The following MCMDC2 variants were observed in gnomAD, a reference collection of about 807,000 sequenced individuals.
MCMDC2 encodes minichromosome maintenance domain-containing protein 2.
Under a neutral mutation model 75.8 loss-of-function variants are expected in MCMDC2, and 54 were observed. That is an observed-to-expected ratio of 0.71 (90% CI 0.57 to 0.89). MCMDC2 has a LOEUF of 0.89. Among genes scored for constraint, MCMDC2 ranks in the 40% least tolerant of loss-of-function variants. MCMDC2 has a pLI of 0.00. For synonymous variants in MCMDC2, 249 were observed against 274.6 expected, an observed-to-expected ratio of 0.91 and a Z score of 0.92; for missense variants, 656 against 780.4, an observed-to-expected ratio of 0.84 and a Z score of 1.90.
rs140298747 is a variant in MCMDC2, at chr8:66,903,195, T to C, written c.1769+1847T>C. ...TTACTTCAGGAAACAGAAAGCATTA[T>C]GTAATTCTGTTTTCCATTTTGAAAC... On this transcript the variant is annotated intron_variant, in intron 13 of 14. Transcript: ENST00000422365. Among the ~76,000 whole-genome samples the C allele has an allele frequency of 3.9e-5, 6 of 152,218 alleles. No homozygotes were observed. The East Asian group carries it at 9.6e-4, about 24-fold the overall frequency.
intron 9 of MCMDC2, among the ~76,000 whole-genome samples, chr8:66,890,169 C>G (rs547275473): frequency 6.6e-6 from 1 of 152,270 alleles, no homozygotes; most frequent in African/African-American, 2.4e-5. Context: ...CGGGTTGAGG[C>G]AGTTCTCCTG....
chr8:66,925,800 GAGCT>G (rs1813702197), downstream of MCMDC2, among the ~76,000 whole-genome samples: 1 of 152,198 alleles, frequency 6.6e-6, no homozygotes, highest in Non-Finnish European at 1.5e-5. Flanking sequence ...AACTCTGCTA[GAGCT>G]AGTCAATGTT....
chr8:66,917,611 C>T (rs189400929), intron 14 of MCMDC2, among the ~76,000 whole-genome samples: 1 of 152,130 alleles, frequency 6.6e-6, no homozygotes, highest in African/African-American at 2.4e-5. Context: ...ACTCTACTGC[C>T]TCTATGAATT....
chr8:66,922,578 TACATC>T, downstream of MCMDC2: 1 of 517,274 alleles, frequency 1.9e-6, no homozygotes, highest in Middle Eastern at 3.6e-4. Flanking sequence ...CTGTCAAGAA[TACATC>T]ACATAACTAA....
rs1435046215 is a variant in MCMDC2 at position 66,905,348 on chromosome 8, A to G, written c.1879+13A>G. 2.1e-6 allele frequency: 3 copies of G among 1,445,634 alleles called. No homozygotes were observed. Among genetic ancestry groups the G allele is most frequent in the Non-Finnish European group, 2.7e-6 (3 of 1,094,844 alleles). The allele number at this position is 1,445,634 out of a possible 1,614,324, so 89.6% of individuals were successfully genotyped here. A position where few individuals can be genotyped will look rare whatever the true frequency, so the allele number is the denominator to read the frequency against. On this transcript the variant is annotated intron_variant, in intron 14 of 14. Coordinates refer to ENST00000422365, the MANE Select transcript of MCMDC2 (RefSeq NM_173518.5). Reference sequence around the variant, plus strand: ...ACATTGAAATATGGTAATGAATTAAATTATTAATGATCACTACAAATAACT... The same window carrying G: ...ACATTGAAATATGGTAATGAATTAAGTTATTAATGATCACTACAAATAACT...
intron 14 of MCMDC2, among the ~76,000 whole-genome samples, chr8:66,917,533 A>G (rs1265198677): frequency 6.6e-6 from 1 of 152,160 alleles, no homozygotes; most frequent in African/African-American, 2.4e-5. Context: ...TCATCTTCCC[A>G]AACTGAAACT....
At chr8:66,918,952 G>C in intron 14 of MCMDC2, 51 bp from the exon 15 acceptor site, 1 of 1,314,722 alleles carries the variant, frequency 7.6e-7, no homozygotes. Context: ...TTTCATACTT[G>C]TCATTTTAAG....
intron 4 of MCMDC2, among the ~76,000 whole-genome samples, chr8:66,875,438 C>A (rs912089217): frequency 2.6e-5 from 4 of 152,144 alleles, no homozygotes; most frequent in Non-Finnish European, 4.4e-5. Context: ...TGCCACCACA[C>A]CTGGCTAATT....
At chr8:66,881,600 C>T (rs867019719) in intron 8 of MCMDC2, among the ~76,000 whole-genome samples, 1 of 152,100 alleles carries the variant, frequency 6.6e-6, no homozygotes, top group Non-Finnish European at 1.5e-5. Context: ...GCAGGAGAAT[C>T]GGTTGAACCT....
chr8:66,887,173 G>A (rs942804004), intron 9 of MCMDC2, among the ~76,000 whole-genome samples: 2 of 152,000 alleles, frequency 1.3e-5, no homozygotes, highest in Non-Finnish European at 2.9e-5. Flanking sequence ...TTGATGAGCA[G>A]GCTTTTTAAG....
intron 9 of MCMDC2, chr8:66,884,209 A>C: frequency 1.8e-6 from 1 of 555,078 alleles, no homozygotes; most frequent in Non-Finnish European, 3.2e-6. Flanking sequence ...TTCCCCACTC[A>C]GACCTTTGTA....
intron 9 of MCMDC2, among the ~76,000 whole-genome samples, chr8:66,886,250 C>T (rs1187066538): frequency 4.6e-5 from 7 of 151,440 alleles, no homozygotes; most frequent in East Asian, 2.0e-4. Flanking sequence ...CTGCAACCTC[C>T]GCCTCCTGTG....
At position 66,884,180 on chromosome 8, in the gene MCMDC2, A is replaced by C. The variant is rs192738160; in HGVS notation, c.1073+186A>C. 235 of 578,162 alleles carry C rather than the reference A, an allele frequency of 4.1e-4. 1 individual carries two copies. Among genetic ancestry groups the C allele is most frequent in the South Asian group, 1.6e-3 (70 of 42,510 alleles). 35.8% of individuals were successfully genotyped at this position (578,162 alleles called of 1,614,324 possible). On this transcript the variant is annotated intron_variant, in intron 9 of 14. Coordinates refer to ENST00000422365, the MANE Select transcript of MCMDC2 (RefSeq NM_173518.5). ...AAATTGATAAGTGATAAGTTGAATT[A>C]CTCCAATTTTCAACCTATTTCCCCA...
In MCMDC2 at chr8:66,901,360, A is replaced by G. The variant is rs769835087; in HGVS notation, c.1769+12A>G. 1 of 1,587,376 alleles carries G rather than the reference A, an allele frequency of 6.3e-7. No homozygotes were observed. The highest frequency in any genetic ancestry group is 8.6e-7 in the Non-Finnish European group (1 of 1,168,576). On this transcript the variant is annotated intron_variant, in intron 13 of 14. Coordinates refer to ENST00000422365, the MANE Select transcript of MCMDC2 (RefSeq NM_173518.5). The stretch of plus-strand genomic sequence containing the variant: ...GCATTAAAATATCTGTAGGTATTCA[A>G]TTCAAGATTTTAAAATCAGCATTGA...
intron 14 of MCMDC2, among the ~76,000 whole-genome samples, chr8:66,917,892 T>C (rs6982699): frequency 0.13 from 20,092 of 152,170 alleles, 2,550 homozygotes; most frequent in African/African-American, 0.33. Flanking sequence ...CTCTTTAAGA[T>C]CCTGCTTTCA....
downstream of MCMDC2, chr8:66,922,124 A>G (rs984114229): frequency 2.0e-5 from 3 of 153,680 alleles, no homozygotes; most frequent in Admixed American, 6.5e-5. Flanking sequence ...CCTCCAAAAC[A>G]AAGTCAGAAA....
intron 14 of MCMDC2, among the ~76,000 whole-genome samples, chr8:66,909,802 A>C (rs1211680610): frequency 6.6e-6 from 1 of 152,262 alleles, no homozygotes; most frequent in Non-Finnish European, 1.5e-5. Context: ...TTGCATAAGT[A>C]ACAAGAGGCC....
rs972190385 is a variant in MCMDC2, at chr8:66,878,103, G to A, written c.482-471G>A. On this transcript the variant is annotated intron_variant, in intron 5 of 14. Transcript: ENST00000422365. The stretch of plus-strand genomic sequence containing the variant: ...CTCTTCTCACACATTATTTCATGAC[G>A]TTGTGAGTGAAACGTTTAATGTCCT... Among the ~76,000 whole-genome samples, 36 of 151,496 alleles carry A rather than the reference G, an allele frequency of 2.4e-4. 1 individual carries two copies. The highest frequency in any genetic ancestry group is 4.2e-4 in the South Asian group (2 of 4,814).
chr8:66,879,643 G>A (rs1811470129), intron 7 of MCMDC2, among the ~76,000 whole-genome samples: 1 of 152,102 alleles, frequency 6.6e-6, no homozygotes, highest in Non-Finnish European at 1.5e-5. Flanking sequence ...ATTATAAATG[G>A]CACTTCTATA....
Sources: allele counts gnomAD v4.1 joint callset (sites outside exome capture counted in the v4.1 genomes callset), GRCh38; gene constraint gnomAD v4.1.1; transcripts MANE v1.5; gene names NCBI Gene and HGNC (gene_info 2026-07-23, HGNC 2026-07-21).